Variants in STX11 observed in about 807,000 individuals in gnomAD.
The protein encoded by STX11 is syntaxin 11.
A neutral mutation model predicts 19.9 loss-of-function variants in STX11; 21 were observed. The observed-to-expected ratio is 1.06, with a 90% CI of 0.75 to 1.52. STX11 has a LOEUF of 1.52. STX11 is among the 40% of genes most tolerant of loss of function. The pLI is 0.00. For missense variants in STX11, 438 were observed against 405.9 expected (o/e 1.08, Z -0.68); for synonymous variants, 193 against 174.4 (o/e 1.11, Z -0.84).
chr6:144,188,725 C>CTTTT lies in STX11; in HGVS notation c.*1250_*1253dup, dbSNP rs11356106. Among the ~76,000 whole-genome samples the CTTTT allele has an allele frequency of 2.0e-4, 23 of 117,918 alleles. 1 individual carries two copies. The highest frequency in any genetic ancestry group is 5.9e-4 in the African/African-American group (17 of 28,908). 77.4% of individuals were successfully genotyped at this position (117,918 alleles called of 152,430 possible). ...ATTATTGTTAAAATTTTTCTTTTTC[C>CTTTT]TTTTTTTTTTTTTTTTTTTGAGATG... On this transcript the variant is annotated 3_prime_UTR_variant, in exon 2 of 2. Coordinates refer to ENST00000367568, the MANE Select transcript of STX11 (RefSeq NM_003764.4).
At chr6:144,164,583 C>A (rs1011801344) in intron 1 of STX11, among the ~76,000 whole-genome samples, 6 of 152,102 alleles carry the variant, frequency 3.9e-5, no homozygotes, top group Non-Finnish European at 7.4e-5. Flanking sequence ...TCTCTTTTAT[C>A]CAAATTAGAA....
chr6:144,185,659 G>A (rs1802010768), intron 1 of STX11, among the ~76,000 whole-genome samples: 1 of 152,180 alleles, frequency 6.6e-6, no homozygotes, highest in South Asian at 2.1e-4. Flanking sequence ...GAATGGGAGT[G>A]TGTTGTAGTA....
intron 1 of STX11, among the ~76,000 whole-genome samples, chr6:144,186,419 C>T (rs1245293475): frequency 6.6e-6 from 1 of 152,098 alleles, no homozygotes; most frequent in African/African-American, 2.4e-5. Flanking sequence ...GGCCTTAAAA[C>T]ACAACTGTTT....
chr6:144,163,466 T>A (rs950338814), intron 1 of STX11, among the ~76,000 whole-genome samples: 3 of 152,182 alleles, frequency 2.0e-5, no homozygotes, highest in South Asian at 2.1e-4. Context: ...TTTTTTATTT[T>A]TAAAATTTTT....
chr6:144,161,560 C>CT (rs1801342592), intron 1 of STX11, among the ~76,000 whole-genome samples: 2 of 152,062 alleles, frequency 1.3e-5, no homozygotes, highest in South Asian at 4.1e-4. Context: ...TAGAGACGAG[C>CT]TTTCACCATG....
Position 144,167,573 on chromosome 6 carries a change from T to TGA in STX11, c.-6+16870_-6+16871insGA, listed in dbSNP as rs1309617658. 3.3e-5 allele frequency among the ~76,000 whole-genome samples: 5 copies of TGA among 152,208 alleles called. No individual in the cohort carries two copies. The highest frequency in any genetic ancestry group is 5.9e-5 in the Non-Finnish European group (4 of 68,034). On this transcript the variant is annotated intron_variant, in intron 1 of 1. Coordinates refer to ENST00000367568, the MANE Select transcript of STX11 (RefSeq NM_003764.4). This position sits in a 1 kb window ranked among gnomAD's most constrained non-coding sequence, Gnocchi z 5.0. ...TATCACCATCATTCCTGACTCTGAA[T>TGA]TTACATGCTGCTGATAAGCAATCAC...
At chr6:144,166,674 T>C in intron 1 of STX11, among the ~76,000 whole-genome samples, 1 of 151,900 alleles carries the variant, frequency 6.6e-6, no homozygotes, top group Non-Finnish European at 1.5e-5. Flanking sequence ...TACAGGCATG[T>C]GCCACCACAC....
chr6:144,156,755 A>G (rs1801181647), intron 1 of STX11, among the ~76,000 whole-genome samples: 1 of 152,204 alleles, frequency 6.6e-6, no homozygotes, highest in Admixed American at 6.5e-5. Flanking sequence ...TAATAATACA[A>G]CATTTCCCAC....
Position 144,153,129 on chromosome 6 carries a change from GTTT to G in STX11, c.-6+2427_-6+2429del, listed in dbSNP as rs1240762702. 6.6e-6 allele frequency among the ~76,000 whole-genome samples: 1 copy of G among 152,178 alleles called. No individual in the cohort carries two copies. The highest frequency in any genetic ancestry group is 1.5e-5 in the Non-Finnish European group (1 of 68,022). ...GATGCCCAAGTATCAAGGTTTCCAA[GTTT>G]CCCCAGTTTGCTAAGATATCCAACT... On this transcript the variant is annotated intron_variant, in intron 1 of 1. Coordinates refer to ENST00000367568, the MANE Select transcript of STX11 (RefSeq NM_003764.4). This position sits in a 1 kb window ranked among gnomAD's most constrained non-coding sequence, Gnocchi z 5.0.
intron 1 of STX11, among the ~76,000 whole-genome samples, chr6:144,158,050 A>C (rs762405406): frequency 1.2e-4 from 19 of 152,198 alleles, no homozygotes; most frequent in Non-Finnish European, 2.5e-4. Context: ...CCACTGGAAT[A>C]GAATCCAGGG....
In STX11 at chr6:144,186,800, T is replaced by C. The variant is rs431905512; in HGVS notation, c.173T>C (p.Leu58Pro). ...IRDIQDENQL[L>P]VADVKRLGKQ... is the part of the protein sequence containing the mutation. ...GACATTCAGGATGAAAACCAGCTGC[T>C]GGTGGCCGACGTGAAGCGGCTGGGA... The change falls in exon 2 of 2, where the codon CTG becomes CCG. Residue 58 changes from leucine (L) to proline (P), a missense_variant. Leu to Pro is a moderately conservative substitution (Grantham distance 98). Transcript: ENST00000367568. The C allele has an allele frequency of 2.5e-6, 4 of 1,613,760 alleles. No individual in the cohort carries two copies. The South Asian group carries it at 4.4e-5, about 18-fold the overall frequency.
rs1418449252 is a variant in STX11 at position 144,190,984 on chromosome 6, T to G, written c.*3493T>G. 6.6e-6 allele frequency among the ~76,000 whole-genome samples: 1 copy of G among 152,118 alleles called. No individual in the cohort carries two copies. The highest frequency in any genetic ancestry group is 1.5e-5 in the Non-Finnish European group (1 of 68,018). ...CTGGCTTTACCAATCTCATGATGCTTGCTTGGCAACTCTGAAAGGTGACTT... is the reference window on the plus strand; with the variant it reads ...CTGGCTTTACCAATCTCATGATGCTGGCTTGGCAACTCTGAAAGGTGACTT... On this transcript the variant is annotated 3_prime_UTR_variant, in exon 2 of 2. Transcript: ENST00000367568.
chr6:144,171,409 G>A (rs1019026992), intron 1 of STX11, among the ~76,000 whole-genome samples: 1 of 152,188 alleles, frequency 6.6e-6, no homozygotes, highest in Non-Finnish European at 1.5e-5. Context: ...AGGAAACTTT[G>A]GGATGTGGCA....
intron 1 of STX11, among the ~76,000 whole-genome samples, chr6:144,179,918 T>C (rs538533860): frequency 1.3e-5 from 2 of 152,356 alleles, no homozygotes; most frequent in East Asian, 1.9e-4. Flanking sequence ...GCGTAAGTCC[T>C]GTATGGAGTG....
At position 144,187,521 on chromosome 6, in the gene STX11, C is replaced by G; in HGVS notation, c.*30C>G. The G allele has an allele frequency of 1.9e-6, 3 of 1,611,734 alleles. No homozygotes were observed. The highest frequency in any genetic ancestry group is 8.5e-7 in the Non-Finnish European group (1 of 1,179,910). Reference sequence around the variant, plus strand: ...CCGGCCCGGGCCGCCACCGCCCATCCCAGACCATGGAGCGCGCTGGGAAGG... The same window carrying G: ...CCGGCCCGGGCCGCCACCGCCCATCGCAGACCATGGAGCGCGCTGGGAAGG... On this transcript the variant is annotated 3_prime_UTR_variant, in exon 2 of 2. Transcript: ENST00000367568. The surrounding 1 kb of genome is among the most constrained non-coding windows in gnomAD (Gnocchi z 5.6).
chr6:144,143,513 G>A, the STX11 span, among the ~76,000 whole-genome samples: 1 of 152,184 alleles, frequency 6.6e-6, no homozygotes, highest in East Asian at 1.9e-4. Context: ...ACCAGGAAGG[G>A]AGAGAGAGAC....
the STX11 span, among the ~76,000 whole-genome samples, chr6:144,140,315 C>T: frequency 1.4e-4 from 20 of 147,436 alleles, no homozygotes; most frequent in South Asian, 4.3e-3. Flanking sequence ...AGTGCAGTGG[C>T]ACAATCTTGG....
At chr6:144,147,438 T>C (rs982315635), upstream of STX11, among the ~76,000 whole-genome samples, 1 of 152,202 alleles carries the variant, frequency 6.6e-6, no homozygotes, top group Non-Finnish European at 1.5e-5. This position sits in a 1 kb window ranked among gnomAD's most constrained non-coding sequence, Gnocchi z 4.2. Flanking sequence ...TGCTCTCTCT[T>C]GGTTTATCTA....
rs1457146856 is a variant in STX11, at chr6:144,172,781, C to T, written c.-5-13842C>T. 1.3e-5 allele frequency among the ~76,000 whole-genome samples: 2 copies of T among 152,072 alleles called. No individual in the cohort carries two copies. The highest frequency in any genetic ancestry group is 2.9e-5 in the Non-Finnish European group (2 of 68,032). On this transcript the variant is annotated intron_variant, in intron 1 of 1. Coordinates refer to ENST00000367568, the MANE Select transcript of STX11 (RefSeq NM_003764.4). This position sits in a 1 kb window ranked among gnomAD's most constrained non-coding sequence, Gnocchi z 4.2. ...CTCCTCAGAGATAGCTCTTCTTATG[C>T]TGATCCTCTTGATCCCAAGACAATG... is the stretch of plus-strand genomic sequence containing the variant.
Sources: gnomAD v4.1 joint callset for allele counts (sites outside exome capture counted in the v4.1 genomes callset) on GRCh38, gnomAD v4.1.1 for gene constraint, Gnocchi (gnomAD v3.1) non-coding constraint, MANE v1.5 for transcripts, NCBI Gene and HGNC (gene_info 2026-07-23, HGNC 2026-07-21) for gene names.